The following PXDN variants were observed in gnomAD, a reference collection of about 807,000 sequenced individuals.
PXDN encodes the protein peroxidasin homolog.
Under a neutral mutation model 140.3 loss-of-function variants are expected in PXDN, and 77 were observed. That is an observed-to-expected ratio of 0.55 (90% CI 0.46 to 0.66). The LOEUF is 0.66. PXDN is among the 30% of genes least tolerant of loss of function. The pLI, the probability that PXDN is intolerant of heterozygous loss-of-function variation, is 0.00. For synonymous variants in PXDN, 911 were observed against 857.4 expected, an observed-to-expected ratio of 1.06 and a Z score of -1.09; for missense variants, 1,838 against 2,039.5, an observed-to-expected ratio of 0.90 and a Z score of 1.90.
chr2:1,659,047 A>G lies in PXDN; in HGVS notation c.1837+1834T>C, dbSNP rs181936801. Among the ~76,000 whole-genome samples, 10 of 152,318 alleles carry G rather than the reference A, an allele frequency of 6.6e-5. No individual in the cohort carries two copies. The East Asian group carries it at 1.9e-3, about 29-fold the overall frequency. ...TGGCACACCTGGCTCAGCACTGAGG[A>G]CAGAGTCCAGCCCACGAAGGCATTT... On this transcript the variant is annotated intron_variant, in intron 14 of 22. Transcript: ENST00000252804.
Position 1,635,410 on chromosome 2 carries a change from T to G in PXDN, c.4318A>C (p.Lys1440Gln). ...KKDACTICEC[K>Q]DGQVTCFVEA... is the part of the protein sequence containing the mutation. Reference sequence around the variant, plus strand: ...AAGATAGAGCCCCCCATACTCACTTTGCATTCACAAATGGTGCATGCATCT... The same window carrying G: ...AAGATAGAGCCCCCCATACTCACTTGGCATTCACAAATGGTGCATGCATCT... Residue 1440 changes from lysine (K) to glutamine (Q), a missense_variant and splice_region_variant, in exon 22 of 23, where the codon AAA becomes CAA. Lys to Gln is a moderately conservative substitution (Grantham distance 53). This residue lies in a region of PXDN where 850 missense variants were observed against 894.1 expected (regional missense o/e 0.95). Transcript: ENST00000252804. The G allele has an allele frequency of 1.9e-6, 3 of 1,579,946 alleles. No homozygotes were observed. Among genetic ancestry groups the G allele is most frequent in the Non-Finnish European group, 2.6e-6 (3 of 1,161,038 alleles).
At chr2:1,667,693 C>T (rs1683478684) in intron 9 of PXDN, among the ~76,000 whole-genome samples, 2 of 152,042 alleles carry the variant, frequency 1.3e-5, no homozygotes, top group Admixed American at 1.3e-4. Flanking sequence ...GAGTGAACTC[C>T]CATTCATGAT....
chr2:1,730,159 A>C (rs888339578), intron 1 of PXDN, among the ~76,000 whole-genome samples: 48 of 152,218 alleles, frequency 3.2e-4, no homozygotes, highest in African/African-American at 1.0e-3. Context: ...AATGTGAGTA[A>C]TTTGTTTCAC....
rs768133091 is a variant in PXDN at position 1,654,493 on chromosome 2, C to T, written c.1853G>A (p.Arg618Gln). 7 of 1,612,648 alleles carry T rather than the reference C, an allele frequency of 4.3e-6. No individual in the cohort carries two copies. Among genetic ancestry groups the T allele is most frequent in the African/African-American group, 4.0e-5 (3 of 74,918 alleles). ...VLSVNVPDVS[R>Q]NGDPFVATSI... ...GGTAGCTACAAACGGATCTCCATTT[C>T]GACTGACGTCAGGAACTAGGAAAAT... is the stretch of plus-strand genomic sequence containing the variant. The change falls in exon 15 of 23, where the codon CGA becomes CAA. Residue 618 changes from arginine (R) to glutamine (Q), a missense_variant. By Grantham distance (43) the Arg-to-Gln change is conservative. Around this residue, in one of 5 missense-constraint regions of PXDN, gnomAD observed 537 missense variants for 583.9 expected, o/e 0.92. Transcript: ENST00000252804.
upstream of PXDN, chr2:1,744,601 C>T: frequency 1.5e-6 from 1 of 670,146 alleles, no homozygotes; most frequent in Non-Finnish European, 2.0e-6. Context: ...CCTCCCGGCC[C>T]CTCTGAATCC....
intron 1 of PXDN, among the ~76,000 whole-genome samples, chr2:1,718,076 C>T (rs1043563869): frequency 6.6e-6 from 1 of 151,704 alleles, no homozygotes; most frequent in Non-Finnish European, 1.5e-5. Context: ...CTAACCTACT[C>T]CACTAACCGA....
Position 1,665,497 on chromosome 2 carries a change from T to G in PXDN, c.1292-423A>C, listed in dbSNP as rs143994304. 3.8e-3 allele frequency among the ~76,000 whole-genome samples: 576 copies of G among 152,302 alleles called. 7 individuals carry two copies. Among genetic ancestry groups the G allele is most frequent in the African/African-American group, 0.013 (542 of 41,574 alleles). On this transcript the variant is annotated intron_variant, in intron 10 of 22. Coordinates refer to ENST00000252804, the MANE Select transcript of PXDN (RefSeq NM_012293.3). ...TTATCACTGGATGAAAAACATAACT[T>G]ACAGAATAGTATTGTCTGGTATGAT... is the stretch of plus-strand genomic sequence containing the variant.
intron 1 of PXDN, among the ~76,000 whole-genome samples, chr2:1,712,363 GTAATGC>G (rs2125471408): frequency 6.6e-6 from 1 of 152,226 alleles, no homozygotes; most frequent in African/African-American, 2.4e-5. Context: ...TCACTTTTTT[GTAATGC>G]ATCATGTCTT....
intron 13 of PXDN, 50 bp from the exon 14 acceptor site, chr2:1,661,087 G>C (rs777328800): frequency 6.2e-7 from 1 of 1,603,676 alleles, no homozygotes; most frequent in Non-Finnish European, 8.5e-7. Flanking sequence ...CTAAGAAGCA[G>C]AAGTTATCTG....
intron 8 of PXDN, chr2:1,676,229 C>G (rs1683706036): frequency 6.6e-6 from 1 of 151,654 alleles, no homozygotes; most frequent in South Asian, 2.1e-4. Context: ...CAACACAGCC[C>G]CAGCTCACAA....
intron 1 of PXDN, among the ~76,000 whole-genome samples, chr2:1,724,868 TA>T (rs1685139351): frequency 6.6e-6 from 1 of 152,252 alleles, no homozygotes; most frequent in Non-Finnish European, 1.5e-5. Context: ...ATGCAAATTT[TA>T]TAGGATTGCT....
rs1460500974 is a variant in PXDN, at chr2:1,744,287, C to T, written c.169G>A (p.Val57Met). Residue 57 changes from valine (V) to methionine (M), a missense_variant, in exon 1 of 23, where the codon GTG (valine) becomes ATG (methionine). Coordinates refer to ENST00000252804, the MANE Select transcript of PXDN (RefSeq NM_012293.3). ...GAGGTCTGCGGCGCCACGGCGGGCA[C>T]GGCCTCCAGCAGCAGATGCATGCAG... ...VRCMHLLLEA[V>M]PAVAPQTSIL... 2 of 1,520,072 alleles carry T rather than the reference C, an allele frequency of 1.3e-6. No homozygotes were observed. Among genetic ancestry groups the T allele is most frequent in the Non-Finnish European group, 1.8e-6 (2 of 1,139,964 alleles). The allele number at this position is 1,520,072 out of a possible 1,614,324, so 94.2% of individuals were successfully genotyped here.
chr2:1,716,179 T>C (rs1684889295), intron 1 of PXDN, among the ~76,000 whole-genome samples: 1 of 152,108 alleles, frequency 6.6e-6, no homozygotes, highest in African/African-American at 2.4e-5. Flanking sequence ...GGCTGATGCC[T>C]GTAATCCCAG....
At chr2:1,654,667 AC>A (rs1683090087) in intron 14 of PXDN, among the ~76,000 whole-genome samples, 159 bp from the exon 15 acceptor site, 1 of 152,224 alleles carries the variant, frequency 6.6e-6, no homozygotes. Context: ...CACAAATTCT[AC>A]TAGAAGCCGT....
At chr2:1,653,389 T>A (rs1024024711) in intron 16 of PXDN, 8 of 587,978 alleles carry the variant, frequency 1.4e-5, no homozygotes, top group Admixed American at 1.2e-4. Flanking sequence ...GGACCTGCTG[T>A]AGCCTGATCA....
intron 7 of PXDN, among the ~76,000 whole-genome samples, chr2:1,678,071 C>A (rs998545210): frequency 5.9e-5 from 9 of 152,182 alleles, no homozygotes; most frequent in African/African-American, 2.2e-4. Flanking sequence ...TTGCACAGCC[C>A]GGGTCAGGAG....
Position 1,744,376 on chromosome 2 carries a change from A to T in PXDN, c.80T>A (p.Val27Glu). The part of the protein sequence containing the change: ...VLFCAWGTLA[V>E]VAQKPGAGCP... The stretch of plus-strand genomic sequence containing the variant: ...CCCTGCGCCCGGCTTCTGGGCCACC[A>T]CGGCCAGCGTCCCCCAGGCGCAGAA... The change falls in exon 1 of 23, where the codon GTG becomes GAG. Residue 27 changes from valine (V) to glutamate (E), a missense_variant. Physicochemically the swap from Val to Glu is moderately radical, Grantham distance 121. Transcript: ENST00000252804. 2 of 1,526,570 alleles carry T rather than the reference A, an allele frequency of 1.3e-6. No individual in the cohort carries two copies. The highest frequency in any genetic ancestry group is 1.7e-6 in the Non-Finnish European group (2 of 1,143,344). The allele number at this position is 1,526,570 out of a possible 1,614,324, so 94.6% of individuals were successfully genotyped here.
chr2:1,701,115 G>C (rs923861099), intron 1 of PXDN, among the ~76,000 whole-genome samples: 11 of 152,202 alleles, frequency 7.2e-5, no homozygotes, highest in African/African-American at 2.7e-4. Context: ...AGTTTGAAAA[G>C]CTGCATCCCA....
chr2:1,710,541 A>ACTCCACCAGCACCCACT (rs1558520494), intron 1 of PXDN, among the ~76,000 whole-genome samples: 1 of 116,776 alleles, frequency 8.6e-6, no homozygotes, highest in Non-Finnish European at 1.7e-5. Context: ...ACGAACACCC[A>ACTCCACCAGCACCCACT]CTCCACCAGC....
Sources: allele counts gnomAD v4.1 joint callset (sites outside exome capture counted in the v4.1 genomes callset), GRCh38; gene constraint gnomAD v4.1.1; regional missense constraint gnomAD v4.1.1; transcripts MANE v1.5; gene names NCBI Gene and HGNC (gene_info 2026-07-23, HGNC 2026-07-21).